Variants in MYO3B observed in about 807,000 individuals in gnomAD.
MYO3B encodes myosin IIIB.
MYO3B carries 156 observed loss-of-function variants against 174.6 expected under a neutral mutation model. The ratio of observed to expected loss-of-function variants is 0.89; its 90% CI spans 0.78 to 1.02. The LOEUF is 1.02. Among genes scored for constraint, MYO3B ranks in the 50% least tolerant of loss-of-function variants. The pLI is 0.00. For synonymous variants in MYO3B, 563 were observed against 569.1 expected, an observed-to-expected ratio of 0.99 and a Z score of 0.15; for missense variants, 1,632 against 1,639.4, an observed-to-expected ratio of 1.00 and a Z score of 0.08.
chr2:170,537,447 G>GTTTTTTT (rs1559095079), intron 30 of MYO3B, among the ~76,000 whole-genome samples: 3 of 47,484 alleles, frequency 6.3e-5, no homozygotes, highest in African/African-American at 1.8e-4. Flanking sequence ...AGAGCTCTTT[G>GTTTTTTT]ATTTTTTTTT....
At chr2:170,273,902 G>T (rs112345557) in intron 7 of MYO3B, among the ~76,000 whole-genome samples, 1 of 152,184 alleles carries the variant, frequency 6.6e-6, no homozygotes, top group Admixed American at 6.5e-5. Context: ...TTAAATGGCA[G>T]TGGGGGGGCA....
intron 29 of MYO3B, among the ~76,000 whole-genome samples, chr2:170,515,579 C>G (rs2106126900): frequency 6.6e-6 from 1 of 152,222 alleles, no homozygotes; most frequent in South Asian, 2.1e-4. Context: ...TGGACTAAAT[C>G]ATGGTTTTCA....
At chr2:170,422,973 C>CTTTCTTT (rs1265036227) in intron 22 of MYO3B, among the ~76,000 whole-genome samples, 1 of 95,220 alleles carries the variant, frequency 1.1e-5, no homozygotes, top group East Asian at 2.8e-4. Context: ...ATATTTCTTT[C>CTTTCTTT]TTTCTTTTTT....
At chr2:170,409,322 T>G (rs957246261) in intron 22 of MYO3B, among the ~76,000 whole-genome samples, 24 of 152,220 alleles carry the variant, frequency 1.6e-4, no homozygotes, top group African/African-American at 5.1e-4. Flanking sequence ...AACAAAGAGA[T>G]AACCTCCGCC....
chr2:170,603,096 A>G (rs1411976493), intron 32 of MYO3B, among the ~76,000 whole-genome samples: 3 of 152,082 alleles, frequency 2.0e-5, no homozygotes, highest in Non-Finnish European at 4.4e-5. Context: ...AAAACAAAAA[A>G]AAACTTCTAA....
intron 23 of MYO3B, among the ~76,000 whole-genome samples, chr2:170,459,259 C>T (rs1485388942): frequency 6.6e-6 from 1 of 152,218 alleles, no homozygotes; most frequent in Non-Finnish European, 1.5e-5. Flanking sequence ...CCACATCCTG[C>T]GGATTGGTCC....
At chr2:170,420,189 AAAACAAAC>A (rs748353185) in intron 22 of MYO3B, among the ~76,000 whole-genome samples, 1 of 152,178 alleles carries the variant, frequency 6.6e-6, no homozygotes, top group Admixed American at 6.5e-5. Flanking sequence ...ACAGTCTCAA[AAAACAAAC>A]AAACAAACAA....
At chr2:170,629,025 G>A (rs1696709463) in intron 32 of MYO3B, among the ~76,000 whole-genome samples, 1 of 152,138 alleles carries the variant, frequency 6.6e-6, no homozygotes, top group Admixed American at 6.5e-5. Flanking sequence ...CCCAACCGAA[G>A]AACGTTAAGG....
intron 6 of MYO3B, among the ~76,000 whole-genome samples, chr2:170,218,762 A>G (rs1448164691): frequency 1.3e-5 from 2 of 152,256 alleles, no homozygotes; most frequent in African/African-American, 4.8e-5. Context: ...CAGATGATCT[A>G]GACTATGTTT....
At chr2:170,646,259 G>T (rs772598640) in intron 32 of MYO3B, among the ~76,000 whole-genome samples, 2 of 145,340 alleles carry the variant, frequency 1.4e-5, no homozygotes, top group African/African-American at 5.1e-5. Flanking sequence ...CAAGAAGAGC[G>T]AAACTCTGTC....
chr2:170,200,081 T>A, intron 2 of MYO3B, 69 bp from the exon 3 acceptor site: 2 of 1,462,738 alleles, frequency 1.4e-6, no homozygotes, highest in Non-Finnish European at 1.9e-6. Context: ...TACTTGAGCA[T>A]GATGTCATAT....
intron 1 of MYO3B, among the ~76,000 whole-genome samples, chr2:170,191,135 G>A (rs150622507): frequency 0.019 from 2,810 of 151,834 alleles, 45 homozygotes; most frequent in Middle Eastern, 0.031. Flanking sequence ...TAGAAATGTC[G>A]TAGAGGAGAT....
intron 32 of MYO3B, chr2:170,644,003 A>G (rs1204686076): frequency 6.6e-6 from 1 of 152,248 alleles, no homozygotes; most frequent in East Asian, 1.9e-4. Context: ...AGGAGGGGGC[A>G]TGTGTAGCCA....
intron 22 of MYO3B, among the ~76,000 whole-genome samples, chr2:170,429,905 TC>T (rs1246399350): frequency 6.6e-6 from 1 of 151,950 alleles, no homozygotes; most frequent in African/African-American, 2.4e-5. Flanking sequence ...CCTTTCCCCT[TC>T]CCCCCAAGAG....
At chr2:170,320,817 CA>C (rs2093820487) in intron 7 of MYO3B, among the ~76,000 whole-genome samples, 1 of 151,792 alleles carries the variant, frequency 6.6e-6, no homozygotes, top group South Asian at 2.1e-4. Context: ...ACATAGAAAA[CA>C]AAAAGTCCTT....
Position 170,490,360 on chromosome 2 carries a change from A to G in MYO3B, c.3015-8232A>G, listed in dbSNP as rs539227606. Among the ~76,000 whole-genome samples the G allele has an allele frequency of 2.0e-5, 3 of 152,294 alleles. No homozygotes were observed. The South Asian group carries it at 6.2e-4, about 32-fold the overall frequency. On this transcript the variant is annotated intron_variant, in intron 25 of 34. Coordinates refer to ENST00000408978, the MANE Select transcript of MYO3B (RefSeq NM_138995.5). ...CAGTTTCTAATTGTTTGTTGCTAAT[A>G]TATAGAAGTACAATGATTTTTGTAT...
chr2:170,489,225 T>A (rs1245911563), intron 25 of MYO3B, among the ~76,000 whole-genome samples: 7 of 152,236 alleles, frequency 4.6e-5, no homozygotes, highest in African/African-American at 1.7e-4. Flanking sequence ...AAGAGTTTTT[T>A]ATCAATGATT....
At chr2:170,631,948 ACTAT>A (rs1697024819) in intron 32 of MYO3B, among the ~76,000 whole-genome samples, 1 of 152,210 alleles carries the variant, frequency 6.6e-6, no homozygotes, top group South Asian at 2.1e-4. Context: ...AGAAGAGCTA[ACTAT>A]CCTAAATATA....
chr2:170,573,139 G>C (rs1361204065), intron 32 of MYO3B, among the ~76,000 whole-genome samples: 1 of 150,198 alleles, frequency 6.7e-6, no homozygotes, highest in Non-Finnish European at 1.5e-5. Flanking sequence ...AAATTGGACT[G>C]CTTCTAGGGG....
Sources: gnomAD v4.1 joint callset for allele counts (sites outside exome capture counted in the v4.1 genomes callset) on GRCh38, gnomAD v4.1.1 for gene constraint, MANE v1.5 for transcripts, NCBI Gene and HGNC (gene_info 2026-07-23, HGNC 2026-07-21) for gene names.